The following RGS8 variants were observed in gnomAD, a reference collection of about 807,000 sequenced individuals.
RGS8 encodes the protein regulator of G protein signaling 8.
RGS8 carries 8 observed loss-of-function variants against 21.7 expected under a neutral mutation model. That is an observed-to-expected ratio of 0.37 (90% CI 0.22 to 0.66). The LOEUF (loss-of-function observed/expected upper bound fraction) is 0.66. Among genes scored for constraint, RGS8 ranks in the 30% least tolerant of loss-of-function variants. The probability of loss-of-function intolerance (pLI) is 0.59; values close to 1 mark genes in which losing one functional copy is unlikely to be tolerated. For missense variants in RGS8, 157 were observed against 217.9 expected (o/e 0.72, Z 1.76); for synonymous variants, 80 against 83.6 (o/e 0.96, Z 0.24).
chr1:182,688,516 AC>A (rs969523588), upstream of RGS8, among the ~76,000 whole-genome samples: 2 of 152,216 alleles, frequency 1.3e-5, no homozygotes, highest in African/African-American at 4.8e-5. Context: ...AATCCTTGGA[AC>A]CTGTGACTAT....
upstream of RGS8, among the ~76,000 whole-genome samples, chr1:182,684,861 G>A (rs1486839067): frequency 1.3e-5 from 2 of 152,174 alleles, no homozygotes; most frequent in Non-Finnish European, 2.9e-5. This position sits in a 1 kb window ranked among gnomAD's most constrained non-coding sequence, Gnocchi z 4.2. Flanking sequence ...GGCGAAACGG[G>A]GTAACTGGCT....
At chr1:182,731,345 T>A in the RGS8 span, among the ~76,000 whole-genome samples, 3 of 152,218 alleles carry the variant, frequency 2.0e-5, no homozygotes, top group Non-Finnish European at 4.4e-5. Context: ...GGCAGTTGGA[T>A]TATATCCTAT....
At chr1:182,714,556 A>C in the RGS8 span, 1 of 152,256 alleles carries the variant, frequency 6.6e-6, no homozygotes, top group African/African-American at 2.4e-5. Context: ...ACTGTTTTTA[A>C]GTCTATAAAG....
chr1:182,733,766 T>C, the RGS8 span: 1 of 151,976 alleles, frequency 6.6e-6, no homozygotes, highest in African/African-American at 2.4e-5. Context: ...TCCAATAAAA[T>C]TAGGAATAGA....
chr1:182,729,638 A>G, the RGS8 span, among the ~76,000 whole-genome samples: 1 of 152,224 alleles, frequency 6.6e-6, no homozygotes, highest in South Asian at 2.1e-4. Flanking sequence ...TATACTGATA[A>G]GTAATTTTTG....
At chr1:182,672,983 G>T, upstream of RGS8, 1 of 836,096 alleles carries the variant, frequency 1.2e-6, no homozygotes, top group Non-Finnish European at 2.0e-6. Context: ...TAGACCTACA[G>T]AATCAGAAAC....
chr1:182,716,516 C>A, the RGS8 span, among the ~76,000 whole-genome samples: 1 of 151,078 alleles, frequency 6.6e-6, no homozygotes, highest in East Asian at 1.9e-4. Context: ...TTGGTTGAAT[C>A]TGCAAATATG....
At chr1:182,678,390 T>C (rs1349286700) in intron 1 of RGS8, among the ~76,000 whole-genome samples, 1 of 152,244 alleles carries the variant, frequency 6.6e-6, no homozygotes, top group East Asian at 1.9e-4. Context: ...ACATTTTCCA[T>C]TGTAAGTTTT....
chr1:182,648,181 G>A (rs750024440), exon 6 of RGS8: 12 of 1,613,222 alleles, frequency 7.4e-6, no homozygotes, highest in Non-Finnish European at 7.6e-6. Flanking sequence ...AAGATCCTAT[G>A]GGCCTTAGAG....
the RGS8 span, among the ~76,000 whole-genome samples, chr1:182,717,917 C>G: frequency 2.9e-4 from 44 of 152,272 alleles, no homozygotes; most frequent in South Asian, 3.3e-3. Context: ...TTTTTCCAAG[C>G]TGAAATTTTA....
chr1:182,732,265 T>A, the RGS8 span, among the ~76,000 whole-genome samples: 1 of 83,550 alleles, frequency 1.2e-5, no homozygotes, highest in Admixed American at 1.2e-4. Context: ...TCTCGCTCTC[T>A]CTCTCATACA....
intron 5 of RGS8, among the ~76,000 whole-genome samples, chr1:182,656,795 CAG>C (rs1463329336): frequency 2.0e-5 from 3 of 152,190 alleles, no homozygotes; most frequent in African/African-American, 7.2e-5. Context: ...TGAGATGCAA[CAG>C]AGAACAGATT....
At chr1:182,684,729 T>A (rs559669942), upstream of RGS8, among the ~76,000 whole-genome samples, 1 of 152,160 alleles carries the variant, frequency 6.6e-6, no homozygotes, top group East Asian at 1.9e-4. The surrounding 1 kb of genome is among the most constrained non-coding windows in gnomAD (Gnocchi z 4.2). Context: ...CGCTCCCAGC[T>A]CGCTCACAGA....
chr1:182,664,358 C>T (rs1047757272), intron 5 of RGS8, among the ~76,000 whole-genome samples: 1 of 151,902 alleles, frequency 6.6e-6, no homozygotes. Context: ...CCGAAATCAA[C>T]GAAAGGTGTC....
At chr1:182,721,072 C>T in the RGS8 span, among the ~76,000 whole-genome samples, 18 of 66,912 alleles carry the variant, frequency 2.7e-4, no homozygotes, top group South Asian at 9.6e-4. Flanking sequence ...TGTATATATA[C>T]ATATATACAC....
rs138360811 is a variant in RGS8, at chr1:182,671,773, G to A, written c.-177-43C>T. ...CTTTCTTTTAGCAGTCAAATCCTCGGCGAGTGAAGGGCATGTGTGCATGAA... is the reference window on the plus strand; with the variant it reads ...CTTTCTTTTAGCAGTCAAATCCTCGACGAGTGAAGGGCATGTGTGCATGAA... On this transcript the variant is annotated intron_variant, in intron 1 of 6. Coordinates refer to ENST00000483095, the Ensembl canonical transcript of RGS8. 1.3e-4 allele frequency: 216 copies of A among 1,612,572 alleles called. 1 individual carries two copies. In the African/African-American group the frequency reaches 2.4e-3, roughly 18 times the overall value.
At chr1:182,724,851 C>T in the RGS8 span, among the ~76,000 whole-genome samples, 2 of 152,252 alleles carry the variant, frequency 1.3e-5, no homozygotes, top group East Asian at 1.9e-4. Flanking sequence ...AGCCACCGCG[C>T]CCGGCCTAGG....
the RGS8 span, among the ~76,000 whole-genome samples, chr1:182,722,902 C>T: frequency 6.6e-6 from 1 of 151,986 alleles, no homozygotes. Context: ...GATGTGAACC[C>T]AGGAGGCGGA....
the RGS8 span, among the ~76,000 whole-genome samples, chr1:182,719,227 C>T: frequency 2.4e-4 from 36 of 152,264 alleles, no homozygotes; most frequent in South Asian, 4.1e-4. Context: ...TTAACGCTCA[C>T]GCTCATTCTT....
Sources: gnomAD v4.1 joint callset for allele counts (sites outside exome capture counted in the v4.1 genomes callset) on GRCh38, gnomAD v4.1.1 for gene constraint, Gnocchi (gnomAD v3.1) non-coding constraint, MANE v1.5 for transcripts, NCBI Gene and HGNC (gene_info 2026-07-23, HGNC 2026-07-21) for gene names.